The following MAF variants were observed in gnomAD, a reference collection of about 807,000 sequenced individuals.
MAF encodes transcription factor Maf.
A neutral mutation model predicts 22.0 loss-of-function variants in MAF; 10 were observed. The ratio of observed to expected loss-of-function variants is 0.45; its 90% CI spans 0.28 to 0.77. The LOEUF (loss-of-function observed/expected upper bound fraction) is 0.77. MAF is among the 30% of genes least tolerant of loss of function. MAF has a pLI of 0.12. For missense variants in MAF, 544 were observed against 548.4 expected (o/e 0.99, Z 0.08); for synonymous variants, 337 against 255.8 (o/e 1.32, Z -3.03).
At chr16:79,210,270 C>G in the MAF span, among the ~76,000 whole-genome samples, 1 of 152,216 alleles carries the variant, frequency 6.6e-6, no homozygotes, top group Admixed American at 6.5e-5. Flanking sequence ...CCAAGTCTGC[C>G]TTATGGCAGA....
the MAF span, among the ~76,000 whole-genome samples, chr16:79,544,844 A>C: frequency 3.3e-5 from 5 of 152,022 alleles, no homozygotes; most frequent in African/African-American, 7.2e-5. Context: ...TTGATATGGC[A>C]CCTTACTTAC....
At position 79,593,959 on chromosome 16, in the gene MAF, G is replaced by A. The variant is rs375924127; in HGVS notation, c.*501C>T. The A allele has an allele frequency of 6.2e-4, 130 of 210,862 alleles. 1 individual carries two copies. The highest frequency in any genetic ancestry group is 2.9e-3 in the African/African-American group (126 of 43,796). The allele number at this position is 210,862 out of a possible 1,614,324, so 13.1% of individuals were successfully genotyped here. The stretch of plus-strand genomic sequence containing the variant: ...CGTCTAGGGCCTACGAGAAAACCAG[G>A]GGGCTCGGCTCCGCTGGAGCCTCTG... On this transcript the variant is annotated 3_prime_UTR_variant, in exon 2 of 2. Transcript: ENST00000326043.
the MAF span, among the ~76,000 whole-genome samples, chr16:79,252,415 C>T: frequency 6.1e-4 from 93 of 151,814 alleles, no homozygotes; most frequent in African/African-American, 2.1e-3. Context: ...AAGTATATAA[C>T]AACAGGCTCA....
the MAF span, among the ~76,000 whole-genome samples, chr16:79,219,625 G>T: frequency 6.7e-6 from 1 of 148,406 alleles, no homozygotes; most frequent in Non-Finnish European, 1.5e-5. Flanking sequence ...TCACCAATGA[G>T]CAAACCATTT....
chr16:79,598,579 G>GA, intron 1 of MAF: 1 of 1,327,256 alleles, frequency 7.5e-7, no homozygotes, highest in Non-Finnish European at 9.6e-7. Flanking sequence ...AGCAGGGTGT[G>GA]GGGTGTGTGT....
chr16:79,388,900 C>A, the MAF span, among the ~76,000 whole-genome samples: 2 of 152,206 alleles, frequency 1.3e-5, no homozygotes, highest in South Asian at 4.1e-4. Flanking sequence ...ACTCAGCTAG[C>A]TTGACTTGCA....
chr16:79,550,265 A>G, the MAF span, among the ~76,000 whole-genome samples: 23 of 152,234 alleles, frequency 1.5e-4, no homozygotes, highest in East Asian at 3.9e-3. Context: ...AGGGAGGAAA[A>G]GAGAGTAGAT....
At chr16:79,539,267 G>C in the MAF span, among the ~76,000 whole-genome samples, 28 of 152,118 alleles carry the variant, frequency 1.8e-4, no homozygotes, top group Non-Finnish European at 3.8e-4. Context: ...ACTTCGGGAG[G>C]CCGAGCCGGG....
chr16:79,583,545 C>G (rs1394913977), downstream of MAF, among the ~76,000 whole-genome samples: 2 of 152,170 alleles, frequency 1.3e-5, no homozygotes, highest in Non-Finnish European at 2.9e-5. Flanking sequence ...TGGGTCTTAG[C>G]CAGTGTCAGG....
chr16:79,268,017 G>C, the MAF span, among the ~76,000 whole-genome samples: 2 of 152,098 alleles, frequency 1.3e-5, no homozygotes. Flanking sequence ...TGTCCGGGTG[G>C]CACTGAGTCA....
At chr16:79,520,053 G>A in the MAF span, among the ~76,000 whole-genome samples, 1 of 152,182 alleles carries the variant, frequency 6.6e-6, no homozygotes, top group African/African-American at 2.4e-5. Context: ...GACACACGTT[G>A]GGTCAAAAGG....
At chr16:79,596,916 A>T in intron 1 of MAF, 1 of 1,050,058 alleles carries the variant, frequency 9.5e-7, no homozygotes, top group Non-Finnish European at 1.2e-6. Flanking sequence ...CTTGCAGGTT[A>T]TATCTTAGTG....
downstream of MAF, among the ~76,000 whole-genome samples, chr16:79,588,990 T>C (rs185112511): frequency 1.1e-3 from 164 of 152,292 alleles, no homozygotes; most frequent in Middle Eastern, 0.014. Flanking sequence ...ATAAAAAATC[T>C]GACAGTGTAA....
chr16:79,504,331 G>C, the MAF span, among the ~76,000 whole-genome samples: 3 of 152,180 alleles, frequency 2.0e-5, no homozygotes, highest in South Asian at 2.1e-4. Flanking sequence ...CCACCACTCA[G>C]ATAAGCATGA....
At chr16:79,560,259 T>C in the MAF span, among the ~76,000 whole-genome samples, 3 of 152,046 alleles carry the variant, frequency 2.0e-5, no homozygotes, top group Non-Finnish European at 4.4e-5. Context: ...CCATGTCACA[T>C]ATTACTTTGG....
At chr16:79,522,532 A>G in the MAF span, among the ~76,000 whole-genome samples, 1 of 152,350 alleles carries the variant, frequency 6.6e-6, no homozygotes, top group East Asian at 1.9e-4. Flanking sequence ...TGTAGCCGGC[A>G]CAGGGTAAGC....
chr16:79,282,766 G>A, the MAF span, among the ~76,000 whole-genome samples: 1 of 152,236 alleles, frequency 6.6e-6, no homozygotes, highest in Admixed American at 6.5e-5. Context: ...GTTTCATCTG[G>A]GGGTTTAATA....
the MAF span, among the ~76,000 whole-genome samples, chr16:79,314,376 T>G: frequency 1.2e-4 from 18 of 152,276 alleles, no homozygotes; most frequent in East Asian, 3.5e-3. Context: ...GTTAAATGGC[T>G]GAAACGCTCC....
At chr16:79,212,016 C>G in the MAF span, 6 of 1,536,118 alleles carry the variant, frequency 3.9e-6, no homozygotes, top group Non-Finnish European at 4.4e-6. Context: ...AGGCATAGGT[C>G]TCTTTGCTTT....
Sources: allele counts gnomAD v4.1 joint callset (sites outside exome capture counted in the v4.1 genomes callset), GRCh38; gene constraint gnomAD v4.1.1; transcripts MANE v1.5; gene names NCBI Gene and HGNC (gene_info 2026-07-23, HGNC 2026-07-21).